Variants in SHFL observed in about 807,000 individuals in gnomAD.
SHFL encodes the protein shiftless antiviral inhibitor of ribosomal frameshifting protein.
SHFL carries 12 observed loss-of-function variants against 34.7 expected under a neutral mutation model. The observed-to-expected ratio is 0.35, with a 90% CI of 0.22 to 0.56. The LOEUF (loss-of-function observed/expected upper bound fraction) is 0.56, where lower values mean the gene tolerates loss of function less well. SHFL is among the 20% of genes least tolerant of loss of function. The pLI is 0.88. For synonymous variants in SHFL, 148 were observed against 156.0 expected (o/e 0.95, Z 0.38); for missense variants, 278 against 411.1 (o/e 0.68, Z 2.80).
rs893232695 is a variant in SHFL at position 10,087,146 on chromosome 19, C to A, written c.145+94C>A. On this transcript the variant is annotated intron_variant, in intron 2 of 7. Transcript: ENST00000253110. ...GGGAGAGGCGTTGAGATCACCTCCCCCGGAGGTCCCAGCCTTGGGGAGGCT... is the reference window on the plus strand; with the variant it reads ...GGGAGAGGCGTTGAGATCACCTCCCACGGAGGTCCCAGCCTTGGGGAGGCT... 4 of 1,587,246 alleles carry A rather than the reference C, an allele frequency of 2.5e-6. No individual in the cohort carries two copies. The African/African-American group carries it at 5.4e-5, about 21-fold the overall frequency.
rs77076061 is a variant in SHFL, at chr19:10,086,755, T to A, written c.22-174T>A. ...CAGTCCGCGCCTTCCCCCAACGCCC[T>A]GTGGGGACTTTGGCTTTTTCCAGGA... On this transcript the variant is annotated intron_variant, in intron 1 of 7. Coordinates refer to ENST00000253110, the MANE Select transcript of SHFL (RefSeq NM_018381.4). The surrounding 1 kb of genome is among the most constrained non-coding windows in gnomAD (Gnocchi z 5.2). 76,794 of 805,858 alleles carry A rather than the reference T, an allele frequency of 0.095. 3,911 individuals carry two copies. The highest frequency in any genetic ancestry group is 0.11 in the East Asian group (4,173 of 36,718). The allele number at this position is 805,858 out of a possible 1,614,324, so 49.9% of individuals were successfully genotyped here.
rs1240646966 is a variant in SHFL, at chr19:10,086,809, G to C, written c.22-120G>C. The C allele has an allele frequency of 7.5e-6, 9 of 1,200,392 alleles. No individual in the cohort carries two copies. Among genetic ancestry groups the C allele is most frequent in the East Asian group, 5.2e-5 (2 of 38,728 alleles). The allele number at this position is 1,200,392 out of a possible 1,614,324, so 74.4% of individuals were successfully genotyped here. ...GCCGTAAAGGGATGAAAGGCGGGGG[G>C]GGGGCGGCGGAGGCCAAAACCAAGG... is the stretch of plus-strand genomic sequence containing the variant. On this transcript the variant is annotated intron_variant, in intron 1 of 7. Coordinates refer to ENST00000253110, the MANE Select transcript of SHFL (RefSeq NM_018381.4). The surrounding 1 kb of genome is among the most constrained non-coding windows in gnomAD (Gnocchi z 5.2).
At chr19:10,089,127 C>G (rs916345851) in intron 3 of SHFL, 1 of 644,956 alleles carries the variant, frequency 1.6e-6, no homozygotes, top group South Asian at 1.7e-5. Context: ...AAACTGAGGC[C>G]GAAGTCACTT....
In SHFL at chr19:10,086,914, CT is replaced by C. The variant is rs745632374; in HGVS notation, c.22-14del. 1.2e-5 allele frequency: 20 copies of C among 1,613,404 alleles called. 1 individual carries two copies. Among genetic ancestry groups the C allele is most frequent in the South Asian group, 9.9e-5 (9 of 91,004 alleles). Reference sequence around the variant, plus strand: ...TTCCCCTTCCCCCACCGGAACCCCCCTGTCTCCATCCCAGCTGGAGAAGAGC... The same window carrying C: ...TTCCCCTTCCCCCACCGGAACCCCCCGTCTCCATCCCAGCTGGAGAAGAGC... On this transcript the variant is annotated splice_polypyrimidine_tract_variant and intron_variant, in intron 1 of 7. Coordinates refer to ENST00000253110, the MANE Select transcript of SHFL (RefSeq NM_018381.4). The surrounding 1 kb of genome is among the most constrained non-coding windows in gnomAD (Gnocchi z 5.2).
Position 10,092,417 on chromosome 19 carries a change from T to C in SHFL, c.*115T>C. The C allele has an allele frequency of 6.6e-7, 1 of 1,516,386 alleles. No individual in the cohort carries two copies. The highest frequency in any genetic ancestry group is 8.8e-7 in the Non-Finnish European group (1 of 1,133,132). 93.9% of individuals were successfully genotyped at this position (1,516,386 alleles called of 1,614,324 possible). On this transcript the variant is annotated 3_prime_UTR_variant, in exon 8 of 8. Coordinates refer to ENST00000253110, the MANE Select transcript of SHFL (RefSeq NM_018381.4). ...CTTGGGGAGCCATCTGAGGCCAAGA[T>C]ATTGACGGGGGGGATTCCTGGGTCC...
rs2088291186 is a variant in SHFL at position 10,086,739 on chromosome 19, C to T, written c.22-190C>T. The T allele has an allele frequency of 4.2e-6, 3 of 719,448 alleles. No homozygotes were observed. The highest frequency in any genetic ancestry group is 6.8e-6 in the Non-Finnish European group (3 of 443,646). The allele number at this position is 719,448 out of a possible 1,614,324, so 44.6% of individuals were successfully genotyped here. ...GCTGGGACGCTCGCCCCAGTCCGCG[C>T]CTTCCCCCAACGCCCTGTGGGGACT... On this transcript the variant is annotated intron_variant, in intron 1 of 7. Coordinates refer to ENST00000253110, the MANE Select transcript of SHFL (RefSeq NM_018381.4). This position sits in a 1 kb window ranked among gnomAD's most constrained non-coding sequence, Gnocchi z 5.2.
At chr19:10,088,305 C>T (rs1255570583) in intron 3 of SHFL, 4 of 148,612 alleles carry the variant, frequency 2.7e-5, no homozygotes, top group African/African-American at 9.9e-5. Context: ...TGGCTCACGC[C>T]TGTAATCCCA....
rs537510718 is a variant in SHFL at position 10,091,278 on chromosome 19, G to A, written c.413G>A (p.Arg138His). The A allele has an allele frequency of 9.9e-6, 16 of 1,613,804 alleles. No individual in the cohort carries two copies. Among genetic ancestry groups the A allele is most frequent in the South Asian group, 3.3e-5 (3 of 91,066 alleles). Residue 138 changes from arginine (R) to histidine (H), a missense_variant, in exon 6 of 8, where the codon CGC (arginine) becomes CAC (histidine). By Grantham distance (29) the Arg-to-His change is conservative. This residue lies in a region of SHFL where 243 missense variants were observed against 386.2 expected (regional missense o/e 0.63). Coordinates refer to ENST00000253110, the MANE Select transcript of SHFL (RefSeq NM_018381.4). The surrounding 1 kb of genome is among the most constrained non-coding windows in gnomAD (Gnocchi z 8.2). ...TCCCGGTGCCGGAAATGCCGGAAGC[G>A]CTACGAGCCAGTGCCAGCTGACAAG... ...EVSRCRKCRK[R>H]YEPVPADKMW...
Position 10,087,246 on chromosome 19 carries a change from C to A in SHFL, c.146-5C>A, listed in dbSNP as rs1240301247. On this transcript the variant is annotated splice_region_variant and splice_polypyrimidine_tract_variant and intron_variant, in intron 2 of 7. Transcript: ENST00000253110. ...CCCTTCCCTTATATGCACTCTCCCC[C>A]GCAGGGGTAAAGCAAAAAGATGGCC... The A allele has an allele frequency of 1.9e-6, 3 of 1,613,906 alleles. No homozygotes were observed. In the African/African-American group the frequency reaches 4.0e-5, roughly 22 times the overall value.
chr19:10,093,191 A>G lies in SHFL; in HGVS notation c.*889A>G. 1 of 1,023,752 alleles carries G rather than the reference A, an allele frequency of 9.8e-7. No individual in the cohort carries two copies. The highest frequency in any genetic ancestry group is 1.4e-6 in the Non-Finnish European group (1 of 702,052). 63.4% of individuals were successfully genotyped at this position (1,023,752 alleles called of 1,614,324 possible). A position where few individuals can be genotyped will look rare whatever the true frequency, so the allele number is the denominator to read the frequency against. On this transcript the variant is annotated 3_prime_UTR_variant, in exon 8 of 8. Transcript: ENST00000253110. ...CTGGACTCCCCATCCCCCCACCAGG[A>G]TAAAAGTCCTGACCTTTGTTCTCTT...
chr19:10,092,051 A>G lies in SHFL; in HGVS notation c.644-19A>G, dbSNP rs1181338800. 6.2e-7 allele frequency: 1 copy of G among 1,613,636 alleles called. No homozygotes were observed. The highest frequency in any genetic ancestry group is 8.5e-7 in the Non-Finnish European group (1 of 1,179,778). On this transcript the variant is annotated intron_variant, in intron 7 of 7. Transcript: ENST00000253110. ...ATGGGACCTCCAGCCCCATGTCTGC[A>G]GCACCTCTCCCTCCCTAGAGCCCCA...
At position 10,093,004 on chromosome 19, in the gene SHFL, C is replaced by A. The variant is rs2088431645; in HGVS notation, c.*702C>A. The stretch of plus-strand genomic sequence containing the variant: ...CCTATCTCCTTACCAAAGTACAAGT[C>A]ACATCTTTCCCACCTTTTCTGCAAA... On this transcript the variant is annotated 3_prime_UTR_variant, in exon 8 of 8. Coordinates refer to ENST00000253110, the MANE Select transcript of SHFL (RefSeq NM_018381.4). The A allele has an allele frequency of 1.2e-5, 6 of 494,276 alleles. No individual in the cohort carries two copies. In the Admixed American group the frequency reaches 2.2e-4, roughly 18 times the overall value. 30.6% of individuals were successfully genotyped at this position (494,276 alleles called of 1,614,324 possible).
chr19:10,086,914 C>G lies in SHFL; in HGVS notation c.22-15C>G, dbSNP rs770645927. ...TTCCCCTTCCCCCACCGGAACCCCC[C>G]TGTCTCCATCCCAGCTGGAGAAGAG... On this transcript the variant is annotated splice_polypyrimidine_tract_variant and intron_variant, in intron 1 of 7. Coordinates refer to ENST00000253110, the MANE Select transcript of SHFL (RefSeq NM_018381.4). This position sits in a 1 kb window ranked among gnomAD's most constrained non-coding sequence, Gnocchi z 5.2. 9 of 1,613,522 alleles carry G rather than the reference C, an allele frequency of 5.6e-6. No individual in the cohort carries two copies. The South Asian group carries it at 9.9e-5, about 18-fold the overall frequency.
At chr19:10,092,003 A>G (rs1599278462) in intron 7 of SHFL, 67 bp from the exon 8 acceptor site, 1 of 1,601,100 alleles carries the variant, frequency 6.2e-7, no homozygotes, top group East Asian at 2.2e-5. Flanking sequence ...GCGTGGCCTA[A>G]GTCCCCTCCT....
At position 10,093,174 on chromosome 19, in the gene SHFL, C is replaced by T; in HGVS notation, c.*872C>T. On this transcript the variant is annotated 3_prime_UTR_variant, in exon 8 of 8. Coordinates refer to ENST00000253110, the MANE Select transcript of SHFL (RefSeq NM_018381.4). ...CTCATCAGAGAAGGAATCTGGACTC[C>T]CCATCCCCCCACCAGGATAAAAGTC... The T allele has an allele frequency of 1.2e-6, 1 of 866,336 alleles. No individual in the cohort carries two copies. The highest frequency in any genetic ancestry group is 2.5e-5 in the East Asian group (1 of 40,528). 53.7% of individuals were successfully genotyped at this position (866,336 alleles called of 1,614,324 possible). A position where few individuals can be genotyped will look rare whatever the true frequency, so the allele number is the denominator to read the frequency against.
intron 3 of SHFL, among the ~76,000 whole-genome samples, chr19:10,088,440 G>T (rs1224520602): frequency 1.4e-5 from 2 of 145,090 alleles, no homozygotes; most frequent in Non-Finnish European, 3.0e-5. Flanking sequence ...GTGCTGGCAG[G>T]CCCCTGTAGT....
chr19:10,090,577 G>T (rs1435422801), intron 5 of SHFL, among the ~76,000 whole-genome samples: 1 of 151,388 alleles, frequency 6.6e-6, no homozygotes, highest in East Asian at 2.0e-4. Context: ...TGGGACTACA[G>T]GCCTGCGCCA....
chr19:10,091,939 G>A lies in SHFL; in HGVS notation c.644-131G>A. On this transcript the variant is annotated intron_variant, in intron 7 of 7. Coordinates refer to ENST00000253110, the MANE Select transcript of SHFL (RefSeq NM_018381.4). The surrounding 1 kb of genome is among the most constrained non-coding windows in gnomAD (Gnocchi z 8.2). ...TCCTGTATCTTCAACACCCCTGAAT[G>A]TCCAGTTGTGCTGGTCCCCGTATCT... 8.8e-7 allele frequency: 1 copy of A among 1,138,246 alleles called. No individual in the cohort carries two copies. Among genetic ancestry groups the A allele is most frequent in the Non-Finnish European group, 1.3e-6 (1 of 788,604 alleles). The allele number at this position is 1,138,246 out of a possible 1,614,324, so 70.5% of individuals were successfully genotyped here. A position where few individuals can be genotyped will look rare whatever the true frequency, so the allele number is the denominator to read the frequency against.
chr19:10,088,537 C>T, intron 3 of SHFL, among the ~76,000 whole-genome samples: 1 of 152,182 alleles, frequency 6.6e-6, no homozygotes, highest in Non-Finnish European at 1.5e-5. Flanking sequence ...CCACTGCACT[C>T]CAGCCTGGGC....
Sources: allele counts gnomAD v4.1 joint callset (sites outside exome capture counted in the v4.1 genomes callset), GRCh38; gene constraint gnomAD v4.1.1; regional missense constraint gnomAD v4.1.1; non-coding constraint Gnocchi (gnomAD v3.1); transcripts MANE v1.5; gene names NCBI Gene and HGNC (gene_info 2026-07-23, HGNC 2026-07-21).